The following NKAIN3 variants were observed in gnomAD, a reference collection of about 807,000 sequenced individuals.
NKAIN3 encodes sodium/potassium transporting ATPase interacting 3.
In NKAIN3, 25 loss-of-function variants were observed where a neutral mutation model predicts 30.2. That is an observed-to-expected ratio of 0.83 (90% CI 0.60 to 1.16). NKAIN3 has a LOEUF of 1.16. NKAIN3 is among the 50% of genes most tolerant of loss of function. NKAIN3 has a pLI of 0.00. For synonymous variants in NKAIN3, 91 were observed against 89.6 expected (o/e 1.02, Z -0.09); for missense variants, 225 against 254.1 (o/e 0.89, Z 0.78).
At chr8:62,701,837 C>T (rs574642911) in intron 3 of NKAIN3, among the ~76,000 whole-genome samples, 6 of 152,270 alleles carry the variant, frequency 3.9e-5, no homozygotes, top group Middle Eastern at 3.4e-3. Flanking sequence ...CTTGCATGGC[C>T]ATTTGGAACT....
chr8:62,945,738 C>T (rs1006097063), intron 5 of NKAIN3, among the ~76,000 whole-genome samples: 2 of 152,240 alleles, frequency 1.3e-5, no homozygotes, highest in South Asian at 2.1e-4. Flanking sequence ...CTCTTATTGC[C>T]GCCCTTCTCA....
At chr8:62,402,280 T>C (rs1291485992) in intron 1 of NKAIN3, among the ~76,000 whole-genome samples, 1 of 152,150 alleles carries the variant, frequency 6.6e-6, no homozygotes, top group Non-Finnish European at 1.5e-5. Context: ...CAGCTGGTGG[T>C]AAATGCTTCC....
chr8:62,284,482 C>T (rs989680739), intron 1 of NKAIN3, among the ~76,000 whole-genome samples: 2 of 151,848 alleles, frequency 1.3e-5, no homozygotes, highest in African/African-American at 2.4e-5. Context: ...CAAAATTAGG[C>T]GGGCATGGTG....
chr8:62,735,383 T>C (rs1343611868), intron 3 of NKAIN3, among the ~76,000 whole-genome samples: 17 of 11,300 alleles, frequency 1.5e-3, no homozygotes, highest in African/African-American at 2.0e-3. Context: ...TCTTTCTTTT[T>C]TTTTTTTTTT....
chr8:62,496,576 TGTC>T (rs1807245961), intron 1 of NKAIN3, among the ~76,000 whole-genome samples: 1 of 152,166 alleles, frequency 6.6e-6, no homozygotes, highest in Non-Finnish European at 1.5e-5. Flanking sequence ...GTCATCCTAG[TGTC>T]ATTTGTTCAA....
chr8:62,746,946 G>T lies in NKAIN3; in HGVS notation c.288G>T (p.Met96Ile). 1 of 1,607,202 alleles carries T rather than the reference G, an allele frequency of 6.2e-7. No individual in the cohort carries two copies. Among genetic ancestry groups the T allele is most frequent in the South Asian group, 1.1e-5 (1 of 90,614 alleles). The change falls in exon 4 of 7, where the codon ATG (methionine) becomes ATT (isoleucine). Residue 96 changes from methionine to isoleucine, a missense_variant. Met to Ile is a conservative substitution (Grantham distance 10, BLOSUM62 1). Coordinates refer to ENST00000623646, the MANE Select transcript of NKAIN3 (RefSeq NM_001304533.3). ...TACCCACCTAGGACACCGATCTAAT[G>T]ACATTCAATATCTCTGTACATCGGT... ...VGGLSKDTDL[M>I]TFNISVHRSW...
At chr8:62,326,954 T>C (rs1815162187) in intron 1 of NKAIN3, among the ~76,000 whole-genome samples, 1 of 152,078 alleles carries the variant, frequency 6.6e-6, no homozygotes, top group Non-Finnish European at 1.5e-5. Flanking sequence ...GTTCACATCC[T>C]TGCCAACACT....
At chr8:62,847,528 A>G (rs10282884) in intron 4 of NKAIN3, among the ~76,000 whole-genome samples, 16,861 of 151,588 alleles carry the variant, frequency 0.11, 1,001 homozygotes, top group African/African-American at 0.15. Flanking sequence ...TTTTTAATGG[A>G]GTTGTTTGGT....
chr8:62,494,045 G>A (rs139993583), intron 1 of NKAIN3, among the ~76,000 whole-genome samples: 13 of 152,064 alleles, frequency 8.5e-5, no homozygotes, highest in Admixed American at 5.2e-4. Context: ...CTCTGGCCAC[G>A]ACTTCCAATA....
At chr8:62,417,795 C>A (rs1341192957) in intron 1 of NKAIN3, among the ~76,000 whole-genome samples, 1 of 151,992 alleles carries the variant, frequency 6.6e-6, no homozygotes, top group Non-Finnish European at 1.5e-5. Context: ...CTATTAAAAC[C>A]TTTTGCTTAT....
chr8:62,626,093 C>T (rs1388296134), intron 3 of NKAIN3, among the ~76,000 whole-genome samples: 1 of 152,012 alleles, frequency 6.6e-6, no homozygotes, highest in Non-Finnish European at 1.5e-5. Flanking sequence ...TGAGACATTT[C>T]TTGTTCATTA....
intron 1 of NKAIN3, among the ~76,000 whole-genome samples, chr8:62,257,417 T>A (rs1476872030): frequency 1.3e-5 from 2 of 152,218 alleles, no homozygotes; most frequent in African/African-American, 4.8e-5. Context: ...CTAATTTGTT[T>A]TTAATTCTTT....
chr8:62,577,172 A>G (rs920593936), intron 1 of NKAIN3, among the ~76,000 whole-genome samples: 62 of 151,880 alleles, frequency 4.1e-4, no homozygotes, highest in African/African-American at 1.5e-3. Flanking sequence ...TCTGTTTTTC[A>G]TGACTTTTTA....
intron 4 of NKAIN3, among the ~76,000 whole-genome samples, chr8:62,834,878 C>T (rs1007966094): frequency 2.6e-5 from 4 of 151,990 alleles, no homozygotes; most frequent in Non-Finnish European, 4.4e-5. Flanking sequence ...CCAAGGCAAT[C>T]GTAAGCAAAA....
chr8:62,918,356 T>A (rs576047809), intron 4 of NKAIN3, 97 bp from the exon 5 acceptor site: 1 of 847,294 alleles, frequency 1.2e-6, no homozygotes, highest in Non-Finnish European at 1.9e-6. Context: ...CTCTTAAAAG[T>A]TGCTCATAAA....
chr8:62,616,198 C>T (rs936618), intron 3 of NKAIN3, among the ~76,000 whole-genome samples: 40,688 of 151,736 alleles, frequency 0.27, 6,098 homozygotes, highest in African/African-American at 0.41. Flanking sequence ...GGTCCAACAA[C>T]TCCCTTTAAT....
At chr8:62,959,938 A>G (rs1823524557) in intron 6 of NKAIN3, among the ~76,000 whole-genome samples, 1 of 152,070 alleles carries the variant, frequency 6.6e-6, no homozygotes, top group Non-Finnish European at 1.5e-5. Flanking sequence ...CTTAGCACCA[A>G]TGCAGTGGCA....
At chr8:62,498,630 A>T (rs536986818) in intron 1 of NKAIN3, among the ~76,000 whole-genome samples, 1 of 152,172 alleles carries the variant, frequency 6.6e-6, no homozygotes, top group African/African-American at 2.4e-5. Flanking sequence ...GGAAGACCTG[A>T]AAAGTTGCAT....
intron 3 of NKAIN3, among the ~76,000 whole-genome samples, chr8:62,706,887 T>G (rs1192242374): frequency 6.6e-6 from 1 of 152,028 alleles, no homozygotes; most frequent in Non-Finnish European, 1.5e-5. Flanking sequence ...TCATATGCCT[T>G]TGCATCCTCA....
Sources: allele counts gnomAD v4.1 joint callset (sites outside exome capture counted in the v4.1 genomes callset), GRCh38; gene constraint gnomAD v4.1.1; transcripts MANE v1.5; gene names NCBI Gene and HGNC (gene_info 2026-07-23, HGNC 2026-07-21).